The following ATXN7L1 variants were observed in gnomAD, a reference collection of about 807,000 sequenced individuals.
The protein encoded by ATXN7L1 is ataxin-7-like protein 1.
Under a neutral mutation model 70.8 loss-of-function variants are expected in ATXN7L1, and 15 were observed. The ratio of observed to expected loss-of-function variants is 0.21; its 90% confidence interval spans 0.14 to 0.33. The LOEUF (loss-of-function observed/expected upper bound fraction) is 0.33, where lower values mean the gene tolerates loss of function less well. ATXN7L1 is among the 10% of genes least tolerant of loss of function. The probability of loss-of-function intolerance (pLI) is 1.00; values close to 1 mark genes in which losing one functional copy is unlikely to be tolerated. For missense variants in ATXN7L1, 975 were observed against 1,097.1 expected (o/e 0.89, Z 1.57); for synonymous variants, 440 against 445.1 (o/e 0.99, Z 0.14).
intron 9 of ATXN7L1, among the ~76,000 whole-genome samples, chr7:105,619,522 ATATATATATTTTTTTTT>A (rs1794564001): frequency 5.0e-5 from 1 of 20,130 alleles, no homozygotes; most frequent in South Asian, 2.0e-3. Flanking sequence ...ATATATATAT[ATATATATATTTTTTTTT>A]TTTTTTTTTT....
rs10566200 is a variant in ATXN7L1 at position 105,748,116 on chromosome 7, C to CA, written c.355+40487dup. On this transcript the variant is annotated intron_variant, in intron 3 of 11. Coordinates refer to ENST00000419735, the MANE Select transcript of ATXN7L1 (RefSeq NM_020725.2). ...CTGGGTAACGAGCAAAACTCCATCT[C>CA]AAAAAAAAAAAAAAAAAAGAAGTCT... Among the ~76,000 whole-genome samples, 240 of 121,932 alleles carry CA rather than the reference C, an allele frequency of 2.0e-3. 4 individuals are homozygous for CA. In the South Asian group the frequency reaches 0.023, roughly 12 times the overall value. The allele number at this position is 121,932 out of a possible 152,430, so 80.0% of individuals were successfully genotyped here. A position where few individuals can be genotyped will look rare whatever the true frequency, so the allele number is the denominator to read the frequency against.
intron 3 of ATXN7L1, among the ~76,000 whole-genome samples, chr7:105,776,654 A>G (rs909127694): frequency 6.6e-6 from 1 of 152,100 alleles, no homozygotes; most frequent in Non-Finnish European, 1.5e-5. Context: ...ATAAGTACAT[A>G]AGAATTTGCA....
intron 3 of ATXN7L1, among the ~76,000 whole-genome samples, chr7:105,765,729 T>C (rs557876071): frequency 9.9e-5 from 15 of 152,180 alleles, no homozygotes; most frequent in Non-Finnish European, 1.6e-4. Context: ...TTCAATACCA[T>C]AGATAATGAA....
chr7:105,704,580 A>ATCTCTC (rs772855286), intron 3 of ATXN7L1, among the ~76,000 whole-genome samples: 3 of 100,766 alleles, frequency 3.0e-5, no homozygotes, highest in Admixed American at 1.0e-4. Context: ...GAGAGGTTTT[A>ATCTCTC]TCTCTTTTTT....
intron 7 of ATXN7L1, among the ~76,000 whole-genome samples, chr7:105,638,061 C>A (rs1157001037): frequency 6.6e-6 from 1 of 152,170 alleles, no homozygotes; most frequent in South Asian, 2.1e-4. Context: ...TGTAAAAACA[C>A]ACACTGTCTG....
chr7:105,856,183 G>C (rs1167672331), intron 2 of ATXN7L1, among the ~76,000 whole-genome samples: 2 of 152,162 alleles, frequency 1.3e-5, no homozygotes, highest in African/African-American at 2.4e-5. Context: ...CTTATGTGGG[G>C]TTTACACCTG....
chr7:105,720,461 C>T (rs1209997279), intron 3 of ATXN7L1, among the ~76,000 whole-genome samples: 1 of 152,142 alleles, frequency 6.6e-6, no homozygotes, highest in Non-Finnish European at 1.5e-5. Flanking sequence ...CTCTGTTGCT[C>T]AGACAGCAGT....
At chr7:105,811,836 C>T (rs1336260697) in intron 2 of ATXN7L1, among the ~76,000 whole-genome samples, 4 of 152,102 alleles carry the variant, frequency 2.6e-5, no homozygotes, top group Non-Finnish European at 5.9e-5. Context: ...TCTTCCCTGG[C>T]CCCATGGCTC....
intron 2 of ATXN7L1, among the ~76,000 whole-genome samples, chr7:105,870,549 C>T (rs1177046385): frequency 6.6e-6 from 1 of 152,108 alleles, no homozygotes; most frequent in East Asian, 1.9e-4. Context: ...TTAATCATCA[C>T]AACAACCTTA....
rs140317836 is a variant in ATXN7L1, at chr7:105,816,631, A to G, written c.251-27923T>C. On this transcript the variant is annotated intron_variant, in intron 2 of 11. Coordinates refer to ENST00000419735, the MANE Select transcript of ATXN7L1 (RefSeq NM_020725.2). ...CAAGAAGTTTCCCAACATCGCTGCC[A>G]CCTTCACCATACCTGTTCCTGGCCC... Among the ~76,000 whole-genome samples, 429 of 152,274 alleles carry G rather than the reference A, an allele frequency of 2.8e-3. 2 individuals carry two copies. The highest frequency in any genetic ancestry group is 6.1e-3 in the Admixed American group (94 of 15,296).
intron 2 of ATXN7L1, among the ~76,000 whole-genome samples, chr7:105,843,029 A>G (rs1563137455): frequency 6.6e-6 from 1 of 152,210 alleles, no homozygotes; most frequent in Non-Finnish European, 1.5e-5. Flanking sequence ...GAAATAAAAG[A>G]TACGAAATCT....
At chr7:105,620,055 G>C in intron 9 of ATXN7L1, 145 bp downstream of exon 9, 1 of 1,024,614 alleles carries the variant, frequency 9.8e-7, no homozygotes, top group Non-Finnish European at 1.4e-6. Flanking sequence ...AAGAAGAGCT[G>C]GTATTTAAGA....
chr7:105,659,864 C>G (rs1223947391), intron 4 of ATXN7L1, among the ~76,000 whole-genome samples: 1 of 152,044 alleles, frequency 6.6e-6, no homozygotes, highest in East Asian at 1.9e-4. Context: ...TCAATGCCCA[C>G]TCACATTTCT....
chr7:105,624,599 G>A lies in ATXN7L1; in HGVS notation c.1203-332C>T, dbSNP rs189230919. Among the ~76,000 whole-genome samples, 1,290 of 144,844 alleles carry A rather than the reference G, an allele frequency of 8.9e-3. 8 individuals carry two copies. Among genetic ancestry groups the A allele is most frequent in the Non-Finnish European group, 0.012 (786 of 67,316 alleles). On this transcript the variant is annotated intron_variant, in intron 7 of 11. Coordinates refer to ENST00000419735, the MANE Select transcript of ATXN7L1 (RefSeq NM_020725.2). ...CGGGAGGTGGAGGTTGCAGTGAGCC[G>A]AGATCATGCCACTGCACTCCAGCCT...
chr7:105,808,045 T>C (rs1807876796), intron 2 of ATXN7L1, among the ~76,000 whole-genome samples: 2 of 152,206 alleles, frequency 1.3e-5, no homozygotes, highest in African/African-American at 4.8e-5. Context: ...CTTTCTGCAA[T>C]GTCAGAACCA....
chr7:105,635,294 C>G (rs1028417395), intron 7 of ATXN7L1, among the ~76,000 whole-genome samples: 6 of 152,180 alleles, frequency 3.9e-5, no homozygotes, highest in Admixed American at 3.9e-4. Flanking sequence ...CAATGTGTTC[C>G]TTTAGAGTTG....
At chr7:105,689,432 C>A (rs778735826) in intron 3 of ATXN7L1, among the ~76,000 whole-genome samples, 1 of 152,282 alleles carries the variant, frequency 6.6e-6, no homozygotes, top group South Asian at 2.1e-4. Context: ...AATGCAAAAG[C>A]CTTTCAGTAT....
At chr7:105,732,814 C>A (rs191175094) in intron 3 of ATXN7L1, among the ~76,000 whole-genome samples, 1 of 152,210 alleles carries the variant, frequency 6.6e-6, no homozygotes, top group South Asian at 2.1e-4. Context: ...CCTCCAGTCA[C>A]GCTGGGCTCA....
intron 3 of ATXN7L1, among the ~76,000 whole-genome samples, chr7:105,779,940 T>G (rs1254195330): frequency 6.6e-6 from 1 of 152,212 alleles, no homozygotes; most frequent in East Asian, 1.9e-4. Flanking sequence ...AACAATTTAA[T>G]GTCAGCAAAC....
Sources: allele counts gnomAD v4.1 joint callset (sites outside exome capture counted in the v4.1 genomes callset), GRCh38; gene constraint gnomAD v4.1.1; transcripts MANE v1.5; gene names NCBI Gene and HGNC (gene_info 2026-07-23, HGNC 2026-07-21).